The following SLC2A13 variants were observed in gnomAD, a reference collection of about 807,000 sequenced individuals.
SLC2A13 encodes solute carrier family 2 member 13.
SLC2A13 carries 32 observed loss-of-function variants against 64.4 expected under a neutral mutation model. That is an observed-to-expected ratio of 0.50 (90% CI 0.37 to 0.67). The LOEUF is 0.67. Ranked by LOEUF, SLC2A13 falls within the 30% of genes least tolerant of loss-of-function variation. The pLI is 0.00. For missense variants in SLC2A13, 743 were observed against 829.2 expected (o/e 0.90, Z 1.28); for synonymous variants, 338 against 327.1 (o/e 1.03, Z -0.36).
At chr12:40,104,108 T>C (rs1939226452) in intron 1 of SLC2A13, among the ~76,000 whole-genome samples, 1 of 151,976 alleles carries the variant, frequency 6.6e-6, no homozygotes, top group Non-Finnish European at 1.5e-5. Context: ...AAGTGGTGAA[T>C]ACACAGATCA....
chr12:39,783,717 T>C (rs1305988531), intron 7 of SLC2A13, among the ~76,000 whole-genome samples: 1 of 152,184 alleles, frequency 6.6e-6, no homozygotes, highest in Non-Finnish European at 1.5e-5. Flanking sequence ...TGGGGGTTGT[T>C]TGTTTTCTTG....
intron 4 of SLC2A13, among the ~76,000 whole-genome samples, chr12:39,894,351 A>G (rs1162947438): frequency 6.6e-6 from 1 of 152,232 alleles, no homozygotes; most frequent in Non-Finnish European, 1.5e-5. Flanking sequence ...TGTGAATATG[A>G]TGATTAAAAG....
chr12:40,041,263 G>A (rs930346745), intron 2 of SLC2A13, among the ~76,000 whole-genome samples: 4 of 152,026 alleles, frequency 2.6e-5, no homozygotes, highest in African/African-American at 9.7e-5. Flanking sequence ...ACCAAAGGCC[G>A]GCCTTCCCAC....
At chr12:39,999,031 G>A (rs1947281093) in intron 3 of SLC2A13, among the ~76,000 whole-genome samples, 1 of 152,164 alleles carries the variant, frequency 6.6e-6, no homozygotes, top group Non-Finnish European at 1.5e-5. Context: ...AACATAAATT[G>A]TGAAGATTTC....
intron 4 of SLC2A13, among the ~76,000 whole-genome samples, chr12:39,945,298 T>C (rs1946114815): frequency 6.6e-6 from 1 of 152,176 alleles, no homozygotes; most frequent in Non-Finnish European, 1.5e-5. Context: ...GATTCTTTCC[T>C]TCATCTTAAC....
rs368796124 is a variant in SLC2A13, at chr12:40,083,852, CTGT to C, written c.556+21398_556+21400del. On this transcript the variant is annotated intron_variant, in intron 1 of 9. Transcript: ENST00000280871. Reference sequence around the variant, plus strand: ...TTGACTTCCCTACCCAATCTTCCTGCTGTTGTTTACTTTTCAGAATCCTCAGCT... The same window carrying C: ...TTGACTTCCCTACCCAATCTTCCTGCTGTTTACTTTTCAGAATCCTCAGCT... Among the ~76,000 whole-genome samples, 59 of 152,298 alleles carry C rather than the reference CTGT, an allele frequency of 3.9e-4. No homozygotes were observed. In the East Asian group the frequency reaches 7.3e-3, roughly 19 times the overall value.
chr12:39,987,737 G>A (rs1053367012), intron 3 of SLC2A13, among the ~76,000 whole-genome samples: 3 of 151,652 alleles, frequency 2.0e-5, no homozygotes, highest in Admixed American at 6.6e-5. Flanking sequence ...AAGCATCATC[G>A]GATTCCTGGG....
In SLC2A13 at chr12:39,876,190, C is replaced by T. The variant is rs548273559; in HGVS notation, c.1035-4229G>A. ...GTAGACATTTAAGAACAGCCAAGGC[C>T]GGAAATCTACGTGCATTGCTATCTT... is the stretch of plus-strand genomic sequence containing the variant. On this transcript the variant is annotated intron_variant, in intron 4 of 9. Coordinates refer to ENST00000280871, the MANE Select transcript of SLC2A13 (RefSeq NM_052885.4). 6.6e-5 allele frequency among the ~76,000 whole-genome samples: 10 copies of T among 152,122 alleles called. No homozygotes were observed. In the South Asian group the frequency reaches 8.3e-4, roughly 13 times the overall value.
At chr12:40,087,963 T>C (rs1298001507) in intron 1 of SLC2A13, among the ~76,000 whole-genome samples, 1 of 152,208 alleles carries the variant, frequency 6.6e-6, no homozygotes, top group Admixed American at 6.5e-5. Context: ...CACTATTCCA[T>C]TGAGGCAGGT....
At chr12:39,840,494 T>G (rs1052121030) in intron 6 of SLC2A13, among the ~76,000 whole-genome samples, 2 of 152,058 alleles carry the variant, frequency 1.3e-5, no homozygotes, top group East Asian at 1.9e-4. Context: ...CTACTTGCCA[T>G]TTCTCCATAG....
intron 2 of SLC2A13, among the ~76,000 whole-genome samples, chr12:40,034,259 T>A (rs919052015): frequency 6.6e-6 from 1 of 152,186 alleles, no homozygotes; most frequent in Non-Finnish European, 1.5e-5. Context: ...ACTCATTTAG[T>A]CAATTATCCT....
intron 4 of SLC2A13, among the ~76,000 whole-genome samples, chr12:39,921,699 CCTAA>C (rs1284844863): frequency 6.6e-6 from 1 of 152,018 alleles, no homozygotes. Flanking sequence ...TTCAAGTAAC[CCTAA>C]CTGAGTATAT....
At chr12:39,887,928 T>C (rs1944509448) in intron 4 of SLC2A13, among the ~76,000 whole-genome samples, 1 of 152,224 alleles carries the variant, frequency 6.6e-6, no homozygotes, top group African/African-American at 2.4e-5. Flanking sequence ...ATCCTTTTCC[T>C]TCTAATTTCA....
chr12:39,986,961 T>C (rs11174609), intron 3 of SLC2A13, among the ~76,000 whole-genome samples: 60,969 of 152,076 alleles, frequency 0.4, 12,503 homozygotes, highest in Non-Finnish European at 0.46. Flanking sequence ...ATATCAGCAA[T>C]TGAGGGCAAG....
chr12:39,883,811 G>A (rs558295741), intron 4 of SLC2A13, among the ~76,000 whole-genome samples: 3 of 152,144 alleles, frequency 2.0e-5, no homozygotes, highest in South Asian at 2.1e-4. Flanking sequence ...GAATCTCTAC[G>A]GAATCACAAA....
chr12:39,999,174 C>G (rs1047638861), intron 3 of SLC2A13, among the ~76,000 whole-genome samples: 2 of 152,106 alleles, frequency 1.3e-5, no homozygotes, highest in Non-Finnish European at 2.9e-5. Flanking sequence ...ATTGTGTTAA[C>G]TGTACAAATT....
chr12:39,884,385 A>T (rs1444705408), intron 4 of SLC2A13, among the ~76,000 whole-genome samples: 1 of 152,216 alleles, frequency 6.6e-6, no homozygotes, highest in Non-Finnish European at 1.5e-5. Context: ...CAAACTTCGT[A>T]TTTTCTTAAA....
intron 6 of SLC2A13, among the ~76,000 whole-genome samples, chr12:39,840,276 T>A (rs1943147315): frequency 6.6e-6 from 1 of 151,980 alleles, no homozygotes; most frequent in Non-Finnish European, 1.5e-5. Context: ...TCCATTCTTA[T>A]CCCAGCCATC....
intron 4 of SLC2A13, among the ~76,000 whole-genome samples, chr12:39,896,169 TATGA>T (rs1165928657): frequency 1.3e-5 from 2 of 149,016 alleles, no homozygotes; most frequent in Non-Finnish European, 3.0e-5. Context: ...TGTATACATA[TATGA>T]ATATGTATAT....
Sources: gnomAD v4.1 joint callset for allele counts (sites outside exome capture counted in the v4.1 genomes callset) on GRCh38, gnomAD v4.1.1 for gene constraint, MANE v1.5 for transcripts, NCBI Gene and HGNC (gene_info 2026-07-23, HGNC 2026-07-21) for gene names.